Variants in SNX31 observed in about 807,000 individuals in gnomAD.
SNX31 encodes the protein sorting nexin 31.
A neutral mutation model predicts 65.4 loss-of-function variants in SNX31; 58 were observed. The observed-to-expected ratio is 0.89, with a 90% CI of 0.72 to 1.10. The LOEUF is 1.10. SNX31 is among the 50% of genes least tolerant of loss of function. SNX31 has a pLI of 0.00. For missense variants in SNX31, 523 were observed against 529.7 expected (o/e 0.99, Z 0.12); for synonymous variants, 181 against 190.1 (o/e 0.95, Z 0.39).
intron 1 of SNX31, among the ~76,000 whole-genome samples, chr8:100,655,521 T>G (rs760610269): frequency 3.4e-4 from 52 of 151,224 alleles, no homozygotes; most frequent in Non-Finnish European, 6.3e-4. Flanking sequence ...AGGAAACCCC[T>G]TTTGCTTGGC....
chr8:100,607,153 G>T (rs1364296756), intron 8 of SNX31, among the ~76,000 whole-genome samples: 10 of 152,304 alleles, frequency 6.6e-5, no homozygotes, highest in African/African-American at 2.2e-4. Context: ...GGGAGGGGGT[G>T]GAGCAGGGCA....
intron 1 of SNX31, chr8:100,663,111 G>C (rs1173064736): frequency 6.6e-6 from 1 of 152,150 alleles, no homozygotes; most frequent in Non-Finnish European, 1.5e-5. Flanking sequence ...AACACTGGAG[G>C]CTCCAAAAGG....
At chr8:100,644,560 G>A (rs1819496206) in intron 2 of SNX31, among the ~76,000 whole-genome samples, 2 of 152,246 alleles carry the variant, frequency 1.3e-5, no homozygotes, top group Non-Finnish European at 2.9e-5. Flanking sequence ...AGAGCCCGAG[G>A]GAGCCTCACT....
rs1003215320 is a variant in SNX31 at position 100,614,599 on chromosome 8, G to T, written c.433-1514C>A. Among the ~76,000 whole-genome samples the T allele has an allele frequency of 6.6e-6, 1 of 152,174 alleles. No homozygotes were observed. The highest frequency in any genetic ancestry group is 2.4e-5 in the African/African-American group (1 of 41,440). On this transcript the variant is annotated intron_variant, in intron 5 of 13. Transcript: ENST00000311812. This position sits in a 1 kb window ranked among gnomAD's most constrained non-coding sequence, Gnocchi z 5.1. Reference sequence around the variant, plus strand: ...CCCTTAAAGAGGCCATTGAGGCCCGGCACGGTGGCTCATGCCTGTAATCCC... The same window carrying T: ...CCCTTAAAGAGGCCATTGAGGCCCGTCACGGTGGCTCATGCCTGTAATCCC...
Position 100,613,170 on chromosome 8 carries a change from C to T in SNX31, c.433-85G>A, listed in dbSNP as rs1437958143. 24 of 1,014,762 alleles carry T rather than the reference C, an allele frequency of 2.4e-5. No homozygotes were observed. The highest frequency in any genetic ancestry group is 5.7e-5 in the Admixed American group (3 of 52,226). The allele number at this position is 1,014,762 out of a possible 1,614,324, so 62.9% of individuals were successfully genotyped here. ...TGTGACATGCAGACTTGGAAATGGC[C>T]GGTACACATCAATAAAAAATGCTGT... On this transcript the variant is annotated intron_variant, in intron 5 of 13. Coordinates refer to ENST00000311812, the MANE Select transcript of SNX31 (RefSeq NM_152628.4). This position sits in a 1 kb window ranked among gnomAD's most constrained non-coding sequence, Gnocchi z 5.2.
At position 100,629,288 on chromosome 8, in the gene SNX31, G is replaced by C. The variant is rs965499573; in HGVS notation, c.321+1039C>G. On this transcript the variant is annotated intron_variant, in intron 4 of 13. Transcript: ENST00000311812. This position sits in a 1 kb window ranked among gnomAD's most constrained non-coding sequence, Gnocchi z 5.1. The stretch of plus-strand genomic sequence containing the variant: ...TTGTCACTGAGGAGGGGGATCATAA[G>C]GGAAGAAAAGTTACTTTTCATTGTA... 6.6e-6 allele frequency among the ~76,000 whole-genome samples: 1 copy of C among 152,146 alleles called. No homozygotes were observed. The highest frequency in any genetic ancestry group is 2.4e-5 in the African/African-American group (1 of 41,416).
chr8:100,606,611 T>A (rs1028249284), intron 8 of SNX31, among the ~76,000 whole-genome samples: 1 of 152,204 alleles, frequency 6.6e-6, no homozygotes, highest in Non-Finnish European at 1.5e-5. Context: ...GTAGGTTTTA[T>A]TAACATTCCA....
rs933728602 is a variant in SNX31, at chr8:100,578,164, G to A, written c.1171-1089C>T. On this transcript the variant is annotated intron_variant, in intron 12 of 13. Transcript: ENST00000311812. This position sits in a 1 kb window ranked among gnomAD's most constrained non-coding sequence, Gnocchi z 4.7. ...AGGTTGTAGTACACAGTCTCCCAGG[G>A]CACAGAGCAGAGTGGGAGTGAATCT... Among the ~76,000 whole-genome samples the A allele has an allele frequency of 3.3e-5, 5 of 152,170 alleles. No individual in the cohort carries two copies. Among genetic ancestry groups the A allele is most frequent in the Admixed American group, 2.6e-4 (4 of 15,274 alleles).
chr8:100,641,838 G>A (rs922524280), intron 2 of SNX31, among the ~76,000 whole-genome samples: 2 of 150,738 alleles, frequency 1.3e-5, no homozygotes, highest in Non-Finnish European at 3.0e-5. Flanking sequence ...CAGCACTTTG[G>A]GAGGCCGAGG....
intron 8 of SNX31, among the ~76,000 whole-genome samples, chr8:100,606,640 A>G (rs1377616171): frequency 6.6e-6 from 1 of 152,202 alleles, no homozygotes; most frequent in Non-Finnish European, 1.5e-5. Flanking sequence ...GCTCATTAAA[A>G]GTAATAACTT....
intron 3 of SNX31, among the ~76,000 whole-genome samples, chr8:100,633,828 T>C (rs1416658182): frequency 1.3e-5 from 2 of 152,190 alleles, no homozygotes; most frequent in African/African-American, 4.8e-5. Context: ...GGGTGGCGTA[T>C]ACAGAAATGC....
chr8:100,593,444 T>TTTTTA (rs1179908783), intron 10 of SNX31, among the ~76,000 whole-genome samples: 1 of 152,000 alleles, frequency 6.6e-6, no homozygotes, highest in Non-Finnish European at 1.5e-5. Flanking sequence ...AACCACCTTA[T>TTTTTA]TTTTATTTTA....
At chr8:100,651,248 G>A (rs1467789123), upstream of SNX31, among the ~76,000 whole-genome samples, 2 of 152,184 alleles carry the variant, frequency 1.3e-5, no homozygotes, top group Non-Finnish European at 2.9e-5. Flanking sequence ...TATTTCCCCT[G>A]CCCATAGGCC....
At position 100,613,879 on chromosome 8, in the gene SNX31, T is replaced by C. The variant is rs772019649; in HGVS notation, c.433-794A>G. ...TATTTAACACTGGGCTCTCGAGTAATTTCTTTATACTCCTGGTCTTAACTC... is the reference window on the plus strand; with the variant it reads ...TATTTAACACTGGGCTCTCGAGTAACTTCTTTATACTCCTGGTCTTAACTC... On this transcript the variant is annotated intron_variant, in intron 5 of 13. Coordinates refer to ENST00000311812, the MANE Select transcript of SNX31 (RefSeq NM_152628.4). This position sits in a 1 kb window ranked among gnomAD's most constrained non-coding sequence, Gnocchi z 5.2. Among the ~76,000 whole-genome samples the C allele has an allele frequency of 6.6e-6, 1 of 152,086 alleles. No homozygotes were observed. The highest frequency in any genetic ancestry group is 1.5e-5 in the Non-Finnish European group (1 of 68,024).
rs1817983509 is a variant in SNX31, at chr8:100,625,439, C to T, written c.321+4888G>A. On this transcript the variant is annotated intron_variant, in intron 4 of 13. Coordinates refer to ENST00000311812, the MANE Select transcript of SNX31 (RefSeq NM_152628.4). The surrounding 1 kb of genome is among the most constrained non-coding windows in gnomAD (Gnocchi z 4.2). ...CCTCTGCCTCAGAGCAGAATAGCAA[C>T]AAAGCACACCGATCTCCTTGAAAAA... Among the ~76,000 whole-genome samples the T allele has an allele frequency of 1.3e-5, 2 of 150,220 alleles. No homozygotes were observed. The highest frequency in any genetic ancestry group is 6.7e-5 in the Admixed American group (1 of 15,036).
chr8:100,628,743 T>C (rs1587009324), intron 4 of SNX31, among the ~76,000 whole-genome samples: 2 of 151,852 alleles, frequency 1.3e-5, no homozygotes, highest in African/African-American at 2.4e-5. Context: ...AGTATAATAA[T>C]AATAAAATTT....
At chr8:100,577,340 G>A (rs1448501329) in intron 12 of SNX31, among the ~76,000 whole-genome samples, 1 of 152,160 alleles carries the variant, frequency 6.6e-6, no homozygotes, top group Non-Finnish European at 1.5e-5. Flanking sequence ...ATTGAAGAAA[G>A]CTTTTAAAAG....
intron 2 of SNX31, among the ~76,000 whole-genome samples, chr8:100,639,371 G>A (rs1221002611): frequency 6.6e-6 from 1 of 152,174 alleles, no homozygotes; most frequent in Admixed American, 6.5e-5. Context: ...TAAACTAAAG[G>A]CAAAGAAACT....
At chr8:100,600,145 C>A (rs62513872) in intron 9 of SNX31, among the ~76,000 whole-genome samples, 1 of 151,642 alleles carries the variant, frequency 6.6e-6, no homozygotes, top group Non-Finnish European at 1.5e-5. Flanking sequence ...CACAATATAC[C>A]GTCTGTATTT....
Sources: gnomAD v4.1 joint callset for allele counts (sites outside exome capture counted in the v4.1 genomes callset) on GRCh38, gnomAD v4.1.1 for gene constraint, Gnocchi (gnomAD v3.1) non-coding constraint, MANE v1.5 for transcripts, NCBI Gene and HGNC (gene_info 2026-07-23, HGNC 2026-07-21) for gene names.